Variants in CAMTA1 observed in about 807,000 individuals in gnomAD.
CAMTA1 encodes calmodulin binding transcription activator 1, also known as calmodulin-binding transcription activator 1.
A neutral mutation model predicts 170.9 loss-of-function variants in CAMTA1; 27 were observed. The observed-to-expected ratio is 0.16, with a 90% CI of 0.12 to 0.22. The LOEUF is 0.22. CAMTA1 is among the 10% of genes least tolerant of loss of function. The pLI is 1.00. For synonymous variants in CAMTA1, 833 were observed against 891.5 expected, an observed-to-expected ratio of 0.93 and a Z score of 1.17; for missense variants, 1,619 against 2,217.2, an observed-to-expected ratio of 0.73 and a Z score of 5.42.
At chr1:6,948,439 A>C (rs961148326) in intron 3 of CAMTA1, among the ~76,000 whole-genome samples, 2 of 152,228 alleles carry the variant, frequency 1.3e-5, no homozygotes, top group East Asian at 1.9e-4. Context: ...GCACTTGTAC[A>C]TTCCACTGAG....
chr1:7,290,790 A>G (rs1285681353), intron 5 of CAMTA1, among the ~76,000 whole-genome samples: 4 of 152,160 alleles, frequency 2.6e-5, no homozygotes, highest in Non-Finnish European at 5.9e-5. Flanking sequence ...CAGTCATAGA[A>G]TGAAACTCCC....
chr1:6,884,377 T>TGAA (rs1672581528), intron 3 of CAMTA1, among the ~76,000 whole-genome samples: 1 of 151,558 alleles, frequency 6.6e-6, no homozygotes. Flanking sequence ...TTTTTAAAGA[T>TGAA]GAATAAAAAT....
At chr1:7,699,265 G>C (rs936902634) in intron 11 of CAMTA1, among the ~76,000 whole-genome samples, 4 of 151,776 alleles carry the variant, frequency 2.6e-5, no homozygotes, top group African/African-American at 9.7e-5. Flanking sequence ...CATGAACCAG[G>C]GTCACTCCCC....
chr1:7,619,134 C>G (rs1237075888), intron 6 of CAMTA1, among the ~76,000 whole-genome samples: 1 of 152,176 alleles, frequency 6.6e-6, no homozygotes, highest in African/African-American at 2.4e-5. Context: ...AGACCCAGTC[C>G]ATAGGAGGAA....
intron 3 of CAMTA1, among the ~76,000 whole-genome samples, chr1:6,951,841 C>T (rs1296749049): frequency 6.6e-6 from 1 of 152,172 alleles, no homozygotes; most frequent in Non-Finnish European, 1.5e-5. Context: ...CTGCGGGGTT[C>T]CAGGGTGAGG....
intron 3 of CAMTA1, among the ~76,000 whole-genome samples, chr1:6,977,810 T>C (rs1693727807): frequency 6.6e-6 from 1 of 152,232 alleles, no homozygotes; most frequent in African/African-American, 2.4e-5. Context: ...TTAAAAAATT[T>C]TCCTTTGAGT....
intron 3 of CAMTA1, among the ~76,000 whole-genome samples, chr1:6,835,200 T>C (rs1182185526): frequency 6.6e-6 from 1 of 152,242 alleles, no homozygotes; most frequent in Non-Finnish European, 1.5e-5. Context: ...CTGAAACTGC[T>C]TTTAAGAAAT....
intron 1 of CAMTA1, among the ~76,000 whole-genome samples, chr1:6,795,803 A>AT (rs1162389305): frequency 1.3e-5 from 2 of 152,090 alleles, no homozygotes; most frequent in African/African-American, 4.8e-5. Flanking sequence ...ATTCTTCTAA[A>AT]TTTTTTTCCT....
intron 5 of CAMTA1, among the ~76,000 whole-genome samples, chr1:7,285,271 A>G (rs1672192328): frequency 6.6e-6 from 1 of 152,160 alleles, no homozygotes; most frequent in Middle Eastern, 3.2e-3. Context: ...GATGGAGAGA[A>G]TCCTTGTCAG....
At chr1:7,651,691 G>A (rs552778385) in intron 7 of CAMTA1, among the ~76,000 whole-genome samples, 29 of 152,378 alleles carry the variant, frequency 1.9e-4, no homozygotes, top group African/African-American at 7.0e-4. Context: ...TACCTGGATA[G>A]GGCCCAGTGG....
At chr1:7,480,182 AGTGCATGTGT>A (rs1169495286) in intron 6 of CAMTA1, among the ~76,000 whole-genome samples, 49 of 103,838 alleles carry the variant, frequency 4.7e-4, no homozygotes, top group African/African-American at 1.7e-3. Flanking sequence ...CTTGTGTCTC[AGTGCATGTGT>A]GTGCATGTGT....
intron 3 of CAMTA1, among the ~76,000 whole-genome samples, chr1:6,923,537 T>G (rs1682462623): frequency 6.6e-6 from 1 of 152,158 alleles, no homozygotes; most frequent in Non-Finnish European, 1.5e-5. Context: ...GCAGCCCTCC[T>G]TGTTGCTTCC....
intron 6 of CAMTA1, among the ~76,000 whole-genome samples, chr1:7,513,704 C>A (rs1438171671): frequency 6.6e-6 from 1 of 152,160 alleles, no homozygotes; most frequent in Non-Finnish European, 1.5e-5. Flanking sequence ...GGGAGTATCA[C>A]CTGAGGTCGG....
chr1:6,847,359 C>T (rs868097623), intron 3 of CAMTA1, among the ~76,000 whole-genome samples: 1 of 151,930 alleles, frequency 6.6e-6, no homozygotes, highest in Non-Finnish European at 1.5e-5. Flanking sequence ...GAAGGTACTA[C>T]GTTTAGTCAA....
At chr1:7,203,599 CTTTATAGGAA>C (rs1158534114) in intron 4 of CAMTA1, among the ~76,000 whole-genome samples, 1 of 148,468 alleles carries the variant, frequency 6.7e-6, no homozygotes, top group Non-Finnish European at 1.5e-5. Flanking sequence ...AGTTTGGGGT[CTTTATAGGAA>C]TTTGTTCATC....
chr1:7,473,460 TC>T (rs2093367973), intron 6 of CAMTA1, among the ~76,000 whole-genome samples: 1 of 152,200 alleles, frequency 6.6e-6, no homozygotes, highest in Non-Finnish European at 1.5e-5. Context: ...TGCTACAGCC[TC>T]TGGAGTTCCA....
intron 5 of CAMTA1, among the ~76,000 whole-genome samples, chr1:7,302,921 A>G (rs1211838636): frequency 2.6e-5 from 4 of 152,210 alleles, no homozygotes; most frequent in African/African-American, 9.7e-5. Flanking sequence ...ATTACCAGGC[A>G]ATGACAGTGC....
chr1:7,511,947 G>T (rs1480033690), intron 6 of CAMTA1, among the ~76,000 whole-genome samples: 1 of 152,174 alleles, frequency 6.6e-6, no homozygotes, highest in Non-Finnish European at 1.5e-5. Context: ...TTTCTTCTGA[G>T]GTTCCTAGAA....
chr1:6,877,112 G>A (rs568030724), intron 3 of CAMTA1, among the ~76,000 whole-genome samples: 22 of 152,168 alleles, frequency 1.4e-4, no homozygotes, highest in Non-Finnish European at 2.4e-4. Context: ...GGAGAGCAGA[G>A]GCAATGTGAC....
Sources: gnomAD v4.1 joint callset for allele counts (sites outside exome capture counted in the v4.1 genomes callset) on GRCh38, gnomAD v4.1.1 for gene constraint, MANE v1.5 for transcripts, NCBI Gene and HGNC (gene_info 2026-07-23, HGNC 2026-07-21) for gene names.